The following AP1B1 variants were observed in gnomAD, a reference collection of about 807,000 sequenced individuals.
AP1B1 encodes adaptor related protein complex 1 subunit beta 1.
Under a neutral mutation model 104.3 loss-of-function variants are expected in AP1B1, and 36 were observed. The ratio of observed to expected loss-of-function variants is 0.35; its 90% CI spans 0.26 to 0.46. The LOEUF (loss-of-function observed/expected upper bound fraction) is 0.46, where lower values mean the gene tolerates loss of function less well. Ranked by LOEUF, AP1B1 falls within the 20% of genes least tolerant of loss-of-function variation. AP1B1 has a pLI of 1.00. For synonymous variants in AP1B1, 504 were observed against 517.5 expected (o/e 0.97, Z 0.35); for missense variants, 901 against 1,247.9 (o/e 0.72, Z 4.19).
At chr22:29,386,958 A>ATTC (rs1273414722) in intron 1 of AP1B1, among the ~76,000 whole-genome samples, 1 of 152,244 alleles carries the variant, frequency 6.6e-6, no homozygotes, top group Non-Finnish European at 1.5e-5. Context: ...AAAGGCAAAG[A>ATTC]TTCTTCCTCT....
Position 29,352,408 on chromosome 22 carries a change from T to A in AP1B1, c.939-583A>T, listed in dbSNP as rs182220539. Among the ~76,000 whole-genome samples, 20 of 152,296 alleles carry A rather than the reference T, an allele frequency of 1.3e-4. No homozygotes were observed. In the East Asian group the frequency reaches 3.5e-3, roughly 26 times the overall value. ...TGTGTAGGTGCCCCCAATAACAAAC[T>A]TGGGTGCCGAAGTCTCAAATAGGCT... On this transcript the variant is annotated intron_variant, in intron 7 of 22. Transcript: ENST00000357586.
intron 19 of AP1B1, 132 bp downstream of exon 19, chr22:29,331,317 G>C: frequency 1.1e-6 from 1 of 910,284 alleles, no homozygotes; most frequent in Admixed American, 1.8e-5. Flanking sequence ...GGCCCTGCAG[G>C]GAAGCAGCAA....
At position 29,377,195 on chromosome 22, in the gene AP1B1, C is replaced by CAA. The variant is rs34466410; in HGVS notation, c.-27-9927_-27-9926dup. Among the ~76,000 whole-genome samples the CAA allele has an allele frequency of 4.5e-3, 293 of 64,604 alleles. 2 individuals are homozygous for CAA. Among genetic ancestry groups the CAA allele is most frequent in the South Asian group, 8.7e-3 (11 of 1,258 alleles). The allele number at this position is 64,604 out of a possible 152,430, so 42.4% of individuals were successfully genotyped here. On this transcript the variant is annotated intron_variant, in intron 1 of 22. Coordinates refer to ENST00000357586, the MANE Select transcript of AP1B1 (RefSeq NM_001127.4). ...TGGGTGACAGAGTGAGACCCTGTCT[C>CAA]AAAAAAAAAAAAAAAAAAAAAAAAA...
chr22:29,329,414 A>C (rs1602676123), intron 22 of AP1B1: 1 of 1,295,132 alleles, frequency 7.7e-7, no homozygotes, highest in African/African-American at 1.5e-5. Context: ...AGGAGCCCCC[A>C]CCCATCCACT....
rs892415229 is a variant in AP1B1 at position 29,329,377 on chromosome 22, G to A, written c.2775+335C>T. On this transcript the variant is annotated intron_variant, in intron 22 of 22. Coordinates refer to ENST00000357586, the MANE Select transcript of AP1B1 (RefSeq NM_001127.4). ...AGACTTTGCCTCCGCTCTGGGGCCTGAGCTTGAGATCACAGGCAGAGGAGA... is the reference window on the plus strand; with the variant it reads ...AGACTTTGCCTCCGCTCTGGGGCCTAAGCTTGAGATCACAGGCAGAGGAGA... 100 of 1,239,424 alleles carry A rather than the reference G, an allele frequency of 8.1e-5. No homozygotes were observed. In the Middle Eastern group the frequency reaches 1.6e-3, roughly 19 times the overall value. The allele number at this position is 1,239,424 out of a possible 1,614,324, so 76.8% of individuals were successfully genotyped here.
Position 29,362,217 on chromosome 22 carries a change from C to T in AP1B1, c.143+784G>A, listed in dbSNP as rs540620556. Among the ~76,000 whole-genome samples the T allele has an allele frequency of 4.2e-4, 64 of 152,354 alleles. 1 individual carries two copies. The highest frequency in any genetic ancestry group is 1.4e-3 in the African/African-American group (58 of 41,580). ...CTTTAGCCATCAGGTGCGACAGAGGCTGCACACCGGTGACAAATTAGAGAA... is the reference window on the plus strand; with the variant it reads ...CTTTAGCCATCAGGTGCGACAGAGGTTGCACACCGGTGACAAATTAGAGAA... On this transcript the variant is annotated intron_variant, in intron 3 of 22. Coordinates refer to ENST00000357586, the MANE Select transcript of AP1B1 (RefSeq NM_001127.4).
chr22:29,366,585 C>T (rs979060759), intron 2 of AP1B1, among the ~76,000 whole-genome samples: 34 of 151,934 alleles, frequency 2.2e-4, no homozygotes, highest in African/African-American at 7.0e-4. Flanking sequence ...CTGAGATCAG[C>T]GCCATTGCAC....
In AP1B1 at chr22:29,359,970, A is replaced by G; in HGVS notation, c.144-11T>C. On this transcript the variant is annotated splice_polypyrimidine_tract_variant and intron_variant, in intron 3 of 22. Coordinates refer to ENST00000357586, the MANE Select transcript of AP1B1 (RefSeq NM_001127.4). ...TCGGGGAAGAGGGCACTGGAAGGTC[A>G]AAATGGTGTCAGCATGGGAAAGGCT... is the stretch of plus-strand genomic sequence containing the variant. The G allele has an allele frequency of 6.2e-7, 1 of 1,610,864 alleles. No individual in the cohort carries two copies. The highest frequency in any genetic ancestry group is 8.5e-7 in the Non-Finnish European group (1 of 1,178,388).
chr22:29,356,756 G>A (rs1475110908), intron 5 of AP1B1, 140 bp from the exon 6 acceptor site: 19 of 765,892 alleles, frequency 2.5e-5, no homozygotes, highest in Admixed American at 8.3e-5. Context: ...GAGCTGCAAC[G>A]AGACCCACTC....
At chr22:29,382,998 T>C (rs922560189) in intron 1 of AP1B1, among the ~76,000 whole-genome samples, 1 of 152,182 alleles carries the variant, frequency 6.6e-6, no homozygotes, top group Non-Finnish European at 1.5e-5. Flanking sequence ...TTGGTTTTTC[T>C]AATCATTGCA....
At chr22:29,369,715 T>C (rs550410235) in intron 1 of AP1B1, among the ~76,000 whole-genome samples, 1 of 152,348 alleles carries the variant, frequency 6.6e-6, no homozygotes, top group East Asian at 1.9e-4. Context: ...AATTGATAGT[T>C]GTTGAAAGAA....
intron 1 of AP1B1, among the ~76,000 whole-genome samples, chr22:29,380,353 G>A (rs139387482): frequency 0.024 from 3,643 of 152,046 alleles, 58 homozygotes; most frequent in Non-Finnish European, 0.032. Flanking sequence ...CTCTTTGGTG[G>A]ATCATCCGGT....
intron 18 of AP1B1, 61 bp from the exon 19 acceptor site, chr22:29,331,594 G>A (rs190113787): frequency 2.5e-6 from 4 of 1,597,570 alleles, no homozygotes; most frequent in Admixed American, 3.3e-5. Context: ...GAGGCCCCAG[G>A]AAGAGTGTCA....
At chr22:29,378,520 T>TC (rs2062382280) in intron 1 of AP1B1, among the ~76,000 whole-genome samples, 1 of 120,560 alleles carries the variant, frequency 8.3e-6, no homozygotes, top group Non-Finnish European at 1.6e-5. Flanking sequence ...GACACTGCAC[T>TC]CCAGCCTGGG....
Position 29,350,219 on chromosome 22 carries a change from C to T in AP1B1, c.1156-69G>A, listed in dbSNP as rs549976423. On this transcript the variant is annotated intron_variant, in intron 9 of 22. Transcript: ENST00000357586. ...TTTCCAGTAGAGCCTCTGATGTCCACGCCTCGGCCAAGGGCTGCAAATCAC... is the reference window on the plus strand; with the variant it reads ...TTTCCAGTAGAGCCTCTGATGTCCATGCCTCGGCCAAGGGCTGCAAATCAC... 348 of 1,262,180 alleles carry T rather than the reference C, an allele frequency of 2.8e-4. 2 individuals carry two copies. Among genetic ancestry groups the T allele is most frequent in the Middle Eastern group, 1.9e-3 (10 of 5,294 alleles). 78.2% of individuals were successfully genotyped at this position (1,262,180 alleles called of 1,614,324 possible). A position where few individuals can be genotyped will look rare whatever the true frequency, so the allele number is the denominator to read the frequency against.
chr22:29,340,529 G>A (rs894535295), intron 14 of AP1B1, 127 bp downstream of exon 14: 1 of 1,031,008 alleles, frequency 9.7e-7, no homozygotes, highest in Non-Finnish European at 1.4e-6. Flanking sequence ...CACCTCCAAG[G>A]GTAAATGGTA....
rs202101776 is a variant in AP1B1 at position 29,339,028 on chromosome 22, C to A, written c.2125G>T (p.Val709Leu). 2.5e-6 allele frequency: 4 copies of A among 1,614,152 alleles called. No homozygotes were observed. The highest frequency in any genetic ancestry group is 2.5e-6 in the Non-Finnish European group (3 of 1,180,034). The change falls in exon 16 of 23, where the codon GTG (valine) becomes TTG (leucine). Residue 709 changes from valine to leucine, a missense_variant. Around this residue, in one of 3 missense-constraint regions of AP1B1, gnomAD observed 424 missense variants for 494.0 expected, o/e 0.86. Coordinates refer to ENST00000357586, the MANE Select transcript of AP1B1 (RefSeq NM_001127.4). ...LSDLFDLTSG[V>L]GTLSGSYVAP... ...ACATATGATCCTGACAGGGTGCCCACGCCACTGGTCAGGTCAAAGAGGTCA... is the reference window on the plus strand; with the variant it reads ...ACATATGATCCTGACAGGGTGCCCAAGCCACTGGTCAGGTCAAAGAGGTCA...
intron 1 of AP1B1, among the ~76,000 whole-genome samples, chr22:29,371,014 G>A (rs1382721744): frequency 6.6e-6 from 1 of 152,152 alleles, no homozygotes; most frequent in African/African-American, 2.4e-5. Flanking sequence ...AGTAGAGAAG[G>A]GAGGAGATGC....
intron 2 of AP1B1, among the ~76,000 whole-genome samples, chr22:29,364,583 T>A (rs2062102158): frequency 6.6e-6 from 1 of 152,160 alleles, no homozygotes; most frequent in East Asian, 1.9e-4. Flanking sequence ...CACACCCAGC[T>A]AATTTTTGTA....
Sources: gnomAD v4.1 joint callset for allele counts (sites outside exome capture counted in the v4.1 genomes callset) on GRCh38, gnomAD v4.1.1 for gene constraint, gnomAD v4.1.1 regional missense constraint, MANE v1.5 for transcripts, NCBI Gene and HGNC (gene_info 2026-07-23, HGNC 2026-07-21) for gene names.